KYNU: variants seen among roughly 807,000 people sequenced by gnomAD.
KYNU encodes kynureninase, also known as L-kynurenine hydrolase.
A neutral mutation model predicts 59.2 loss-of-function variants in KYNU; 54 were observed. The observed-to-expected ratio is 0.91, with a 90% CI of 0.73 to 1.14. The LOEUF (loss-of-function observed/expected upper bound fraction) is 1.14. KYNU is among the 50% of genes most tolerant of loss of function. KYNU has a pLI of 0.00. For missense variants in KYNU, 567 were observed against 554.4 expected, an observed-to-expected ratio of 1.02 and a Z score of -0.23; for synonymous variants, 177 against 192.0, an observed-to-expected ratio of 0.92 and a Z score of 0.65.
At chr2:142,985,257 G>C in intron 9 of KYNU, 75 bp downstream of exon 9, 1 of 901,944 alleles carries the variant, frequency 1.1e-6, no homozygotes. Context: ...TGGGTCTGTG[G>C]GCCAATTTTA....
At chr2:142,926,230 C>T (rs1187682433) in intron 3 of KYNU, among the ~76,000 whole-genome samples, 2 of 151,576 alleles carry the variant, frequency 1.3e-5, no homozygotes, top group Admixed American at 1.3e-4. Context: ...TATACTTATG[C>T]AACAAACCTG....
chr2:142,957,916 AG>A, intron 7 of KYNU: 1 of 523,502 alleles, frequency 1.9e-6, no homozygotes. Flanking sequence ...TCATTTTTCA[AG>A]GGCTAGCCAT....
intron 3 of KYNU, among the ~76,000 whole-genome samples, chr2:142,922,173 A>T (rs1338387902): frequency 2.0e-5 from 3 of 152,206 alleles, no homozygotes; most frequent in Non-Finnish European, 4.4e-5. Context: ...GCACATTGAA[A>T]GTAGTTGCTT....
chr2:143,016,223 G>A (rs1686241426), intron 10 of KYNU, among the ~76,000 whole-genome samples: 1 of 152,218 alleles, frequency 6.6e-6, no homozygotes, highest in Non-Finnish European at 1.5e-5. Context: ...TACAGTCAGT[G>A]ATTATTTCCT....
chr2:142,987,428 T>C (rs1179479986), intron 10 of KYNU, among the ~76,000 whole-genome samples: 1 of 151,972 alleles, frequency 6.6e-6, no homozygotes, highest in African/African-American at 2.4e-5. Context: ...TCTCTCAGCA[T>C]GGACAAGGAA....
intron 4 of KYNU, among the ~76,000 whole-genome samples, chr2:142,946,295 G>A (rs1408677801): frequency 1.3e-5 from 2 of 151,864 alleles, no homozygotes; most frequent in South Asian, 4.2e-4. Context: ...TTTTGCTCAG[G>A]CTGGTCTCAA....
chr2:143,038,246 T>C (rs1460948412), intron 12 of KYNU, among the ~76,000 whole-genome samples: 1 of 152,190 alleles, frequency 6.6e-6, no homozygotes, highest in Non-Finnish European at 1.5e-5. Context: ...TTATTTAGAA[T>C]TTCTTAGAAT....
At chr2:142,940,326 A>C (rs985834478) in intron 4 of KYNU, among the ~76,000 whole-genome samples, 4 of 152,142 alleles carry the variant, frequency 2.6e-5, no homozygotes, top group Non-Finnish European at 4.4e-5. Flanking sequence ...TTTTGTTCTT[A>C]ATATTTATCA....
chr2:142,925,499 T>C (rs1360416463), intron 3 of KYNU, among the ~76,000 whole-genome samples: 3 of 152,246 alleles, frequency 2.0e-5, no homozygotes, highest in African/African-American at 7.2e-5. Flanking sequence ...GGGTACTATG[T>C]AACCGTCTCT....
At chr2:142,919,002 T>C (rs1415528638) in intron 3 of KYNU, among the ~76,000 whole-genome samples, 4 of 152,236 alleles carry the variant, frequency 2.6e-5, no homozygotes, top group Non-Finnish European at 5.9e-5. Flanking sequence ...CCTAACACAG[T>C]ATAAATGTCA....
Position 142,881,185 on chromosome 2 carries a change from G to A in KYNU, c.-20+3449G>A, listed in dbSNP as rs150227355. On this transcript the variant is annotated intron_variant, in intron 1 of 13. Coordinates refer to ENST00000264170, the MANE Select transcript of KYNU (RefSeq NM_003937.3). ...AAATCACAGAAATAGAAAATTTCAT[G>A]TGGAGGACAAATAATACTTATGGTC... 7.3e-3 allele frequency among the ~76,000 whole-genome samples: 1,119 copies of A among 152,324 alleles called. 9 individuals carry two copies. The highest frequency in any genetic ancestry group is 0.025 in the African/African-American group (1,023 of 41,562).
chr2:142,947,165 C>T, intron 4 of KYNU: 1 of 1,551,060 alleles, frequency 6.4e-7, no homozygotes, highest in South Asian at 1.2e-5. Context: ...TATGTGTAAT[C>T]TTAAGTCATC....
chr2:142,880,216 C>A (rs533425485), intron 1 of KYNU, among the ~76,000 whole-genome samples: 2 of 152,268 alleles, frequency 1.3e-5, no homozygotes, highest in East Asian at 1.9e-4. Context: ...TAGGGTAGAA[C>A]AGCAACTCAG....
chr2:142,936,551 C>T (rs1030218364), intron 4 of KYNU, among the ~76,000 whole-genome samples: 1 of 152,166 alleles, frequency 6.6e-6, no homozygotes, highest in African/African-American at 2.4e-5. Context: ...GAGTGATCGT[C>T]ACTGCTGCCT....
Position 143,031,484 on chromosome 2 carries a change from G to A in KYNU, c.956-1752G>A, listed in dbSNP as rs143064746. 5.3e-3 allele frequency among the ~76,000 whole-genome samples: 801 copies of A among 152,250 alleles called. 6 individuals carry two copies. Among genetic ancestry groups the A allele is most frequent in the African/African-American group, 0.018 (760 of 41,542 alleles). ...TCACGCCTGTAATCCCAGCACTTTG[G>A]GAGGCAAGGCAGATGGATCAATTGA... On this transcript the variant is annotated intron_variant, in intron 11 of 13. Transcript: ENST00000264170.
chr2:143,040,306 A>C, intron 12 of KYNU, 122 bp from the exon 13 acceptor site: 1 of 706,264 alleles, frequency 1.4e-6, no homozygotes, highest in Non-Finnish European at 2.5e-6. Context: ...GATTATGTAA[A>C]GGGAGATATT....
At chr2:142,994,810 T>A (rs964950426) in intron 10 of KYNU, among the ~76,000 whole-genome samples, 1 of 152,126 alleles carries the variant, frequency 6.6e-6, no homozygotes, top group African/African-American at 2.4e-5. Flanking sequence ...CTGTCTTTAC[T>A]CTCAGCATAA....
At chr2:143,025,890 G>A (rs1226858465) in intron 10 of KYNU, among the ~76,000 whole-genome samples, 4 of 152,112 alleles carry the variant, frequency 2.6e-5, no homozygotes, top group Non-Finnish European at 5.9e-5. Context: ...AGAACTGTAT[G>A]ATATTTTTAA....
chr2:142,980,276 G>A (rs1423326560), intron 8 of KYNU, among the ~76,000 whole-genome samples: 1 of 148,878 alleles, frequency 6.7e-6, no homozygotes, highest in East Asian at 2.0e-4. Flanking sequence ...TGAGCAGTGA[G>A]GATGACCAGA....
Sources: gnomAD v4.1 joint callset for allele counts (sites outside exome capture counted in the v4.1 genomes callset) on GRCh38, gnomAD v4.1.1 for gene constraint, MANE v1.5 for transcripts, NCBI Gene and HGNC (gene_info 2026-07-23, HGNC 2026-07-21) for gene names.